The following ABCC9 variants were observed in gnomAD, a reference collection of about 807,000 sequenced individuals.
The protein encoded by ABCC9 is ATP-binding cassette sub-family C member 9.
Under a neutral mutation model 188.3 loss-of-function variants are expected in ABCC9, and 95 were observed. That is an observed-to-expected ratio of 0.50 (90% CI 0.43 to 0.60). The LOEUF is 0.60. ABCC9 is among the 20% of genes least tolerant of loss of function. The probability of loss-of-function intolerance (pLI) is 0.00; values close to 1 mark genes in which losing one functional copy is unlikely to be tolerated. For missense variants in ABCC9, 1,102 were observed against 1,876.3 expected, an observed-to-expected ratio of 0.59 and a Z score of 7.62; for synonymous variants, 659 against 652.7, an observed-to-expected ratio of 1.01 and a Z score of -0.15.
chr12:21,869,684 G>A (rs1464785520), intron 18 of ABCC9: 3 of 152,072 alleles, frequency 2.0e-5, no homozygotes. Flanking sequence ...TTACTATATT[G>A]CCTTGTTTTA....
rs779493958 is a variant in ABCC9, at chr12:21,848,339, C to A, written c.2770-93G>T. On this transcript the variant is annotated intron_variant, in intron 24 of 39. Transcript: ENST00000261200. ...CTCACACGTGTAAATGGTTAGTTAC[C>A]TTTACCAATCTCAAGCGCTCTGTGC... is the stretch of plus-strand genomic sequence containing the variant. 5 of 1,094,646 alleles carry A rather than the reference C, an allele frequency of 4.6e-6. No individual in the cohort carries two copies. In the African/African-American group the frequency reaches 7.7e-5, roughly 17 times the overall value. The allele number at this position is 1,094,646 out of a possible 1,614,324, so 67.8% of individuals were successfully genotyped here.
At chr12:21,885,292 A>T (rs1162726401) in intron 15 of ABCC9, among the ~76,000 whole-genome samples, 1 of 152,212 alleles carries the variant, frequency 6.6e-6, no homozygotes, top group Non-Finnish European at 1.5e-5. Context: ...GGTTTGGCCC[A>T]TCAGCAGTGA....
intron 7 of ABCC9, 68 bp downstream of exon 7, chr12:21,915,600 C>T (rs1948569777): frequency 1.3e-6 from 2 of 1,571,630 alleles, no homozygotes; most frequent in Non-Finnish European, 1.7e-6. Flanking sequence ...GCAAGCTCTG[C>T]CTCCCAGGTT....
At chr12:21,847,998 G>A in intron 25 of ABCC9, 152 bp downstream of exon 25, 1 of 659,836 alleles carries the variant, frequency 1.5e-6, no homozygotes. Flanking sequence ...ACCTTTCCTT[G>A]ACTCCTATTG....
At chr12:21,841,582 C>G (rs558767177) in intron 29 of ABCC9, among the ~76,000 whole-genome samples, 1 of 152,074 alleles carries the variant, frequency 6.6e-6, no homozygotes, top group African/African-American at 2.4e-5. Context: ...TGGTCTCGAA[C>G]TCCTGACCTC....
At chr12:21,939,635 C>A (rs1949619675) in intron 2 of ABCC9, among the ~76,000 whole-genome samples, 1 of 152,070 alleles carries the variant, frequency 6.6e-6, no homozygotes, top group South Asian at 2.1e-4. Flanking sequence ...GAGGGAGGCC[C>A]AAGCATCAAG....
At chr12:21,894,873 C>T (rs949659763) in intron 13 of ABCC9, among the ~76,000 whole-genome samples, 1 of 152,188 alleles carries the variant, frequency 6.6e-6, no homozygotes, top group African/African-American at 2.4e-5. Context: ...GATCTAGCTC[C>T]ATCTTGTTGT....
chr12:21,836,716 G>A (rs1450621113), intron 30 of ABCC9, among the ~76,000 whole-genome samples: 1 of 151,884 alleles, frequency 6.6e-6, no homozygotes, highest in East Asian at 1.9e-4. Context: ...TATTTATTGA[G>A]CACTTACTTA....
rs1030398826 is a variant in ABCC9, at chr12:21,838,152, G to A, written c.3492C>T (p.Asp1164=). 19 of 1,613,872 alleles carry A rather than the reference G, an allele frequency of 1.2e-5. No homozygotes were observed. Among genetic ancestry groups the A allele is most frequent in the South Asian group, 8.8e-5 (8 of 91,084 alleles). ...RVASKDLQEL[D]DSTQLPLLCH... Reference sequence around the variant, plus strand: ...AGAGCAGAGGGAGCTGGGTACTATCGTCAAGTTCCTGGAGGTCCCTAGTAG... The same window carrying A: ...AGAGCAGAGGGAGCTGGGTACTATCATCAAGTTCCTGGAGGTCCCTAGTAG... The change falls in exon 30 of 40, where the codon GAC becomes GAT. Residue 1164 remains aspartate, a synonymous_variant. Transcript: ENST00000261200.
At chr12:21,801,587 A>C (rs1346697573) in intron 39 of ABCC9, among the ~76,000 whole-genome samples, 1 of 152,218 alleles carries the variant, frequency 6.6e-6, no homozygotes, top group East Asian at 1.9e-4. Flanking sequence ...GCTATAACAC[A>C]ATTCGAAGAA....
At position 21,912,869 on chromosome 12, in the gene ABCC9, T is replaced by TA. The variant is rs1233909215; in HGVS notation, c.1011+2dup. ...TTTCCATTGAAAATCACCAGGAACTTACTCCAGTTGTGTTATTTGTCCCAT... is the reference window on the plus strand; with the variant it reads ...TTTCCATTGAAAATCACCAGGAACTTAACTCCAGTTGTGTTATTTGTCCCAT... On this transcript the variant is annotated splice_region_variant and intron_variant, in intron 8 of 39. Coordinates refer to ENST00000261200, the MANE Select transcript of ABCC9 (RefSeq NM_020297.4). 3 of 1,612,870 alleles carry TA rather than the reference T, an allele frequency of 1.9e-6. No individual in the cohort carries two copies. The highest frequency in any genetic ancestry group is 1.7e-6 in the Non-Finnish European group (2 of 1,179,062).
At position 21,798,438 on chromosome 12, in the gene ABCC9, T is replaced by C. The variant is rs1941263687; in HGVS notation, c.*2606A>G. On this transcript the variant is annotated 3_prime_UTR_variant, in exon 40 of 40. Transcript: ENST00000261200. The stretch of plus-strand genomic sequence containing the variant: ...GTGATGATGAGCATTTTTTCATGTG[T>C]TTTTTGGCTGCATAAATGTCTTCTT... 6.6e-6 allele frequency: 1 copy of C among 150,962 alleles called. No individual in the cohort carries two copies. The highest frequency in any genetic ancestry group is 2.1e-4 in the South Asian group (1 of 4,720). 9.4% of individuals were successfully genotyped at this position (150,962 alleles called of 1,614,324 possible). A position where few individuals can be genotyped will look rare whatever the true frequency, so the allele number is the denominator to read the frequency against.
chr12:21,845,935 T>C (rs1446246764), intron 25 of ABCC9, 103 bp from the exon 26 acceptor site: 1 of 923,106 alleles, frequency 1.1e-6, no homozygotes, highest in Non-Finnish European at 1.7e-6. Context: ...TTTATAAAAA[T>C]GTAAGCATTA....
chr12:21,804,339 G>A (rs755581298), intron 39 of ABCC9, among the ~76,000 whole-genome samples: 5 of 152,222 alleles, frequency 3.3e-5, no homozygotes, highest in South Asian at 4.1e-4. Context: ...ATCCAACAAC[G>A]CCATGCTTCA....
Position 21,906,170 on chromosome 12 carries a change from T to C in ABCC9, c.1574A>G (p.Glu525Gly). The C allele has an allele frequency of 6.2e-7, 1 of 1,613,278 alleles. No individual in the cohort carries two copies. Among genetic ancestry groups the C allele is most frequent in the Non-Finnish European group, 8.5e-7 (1 of 1,179,396 alleles). Residue 525 changes from glutamate (E) to glycine (G), a missense_variant, in exon 12 of 40, where the codon GAA becomes GGA. By Grantham distance (98) the Glu-to-Gly change is moderately conservative. Around this residue, in one of 12 missense-constraint regions of ABCC9, gnomAD observed 258 missense variants for 325.6 expected, o/e 0.79. Coordinates refer to ENST00000261200, the MANE Select transcript of ABCC9 (RefSeq NM_020297.4). Reference sequence around the variant, plus strand: ...TGCAAAGGTTTTGAGACTAGATAGTTCTTTCATTCTTGTTTCCTCCACACT... The same window carrying C: ...TGCAAAGGTTTTGAGACTAGATAGTCCTTTCATTCTTGTTTCCTCCACACT... ...CKSVEETRMK[E>G]LSSLKTFALY...
chr12:21,854,771 A>G (rs1489370394), intron 22 of ABCC9, among the ~76,000 whole-genome samples: 1 of 152,210 alleles, frequency 6.6e-6, no homozygotes, highest in Non-Finnish European at 1.5e-5. Context: ...ACTGGTAGAG[A>G]ATTCTACCAC....
chr12:21,921,638 A>G (rs1037212756), intron 5 of ABCC9, among the ~76,000 whole-genome samples: 1 of 151,998 alleles, frequency 6.6e-6, no homozygotes, highest in Admixed American at 6.6e-5. Context: ...TGCTCAAGAA[A>G]TCTTTGCCCA....
At chr12:21,879,256 T>A (rs1946514473) in intron 16 of ABCC9, among the ~76,000 whole-genome samples, 2 of 152,088 alleles carry the variant, frequency 1.3e-5, no homozygotes, top group South Asian at 4.1e-4. Context: ...TCTATAATGA[T>A]GGGGGTAGGA....
chr12:21,868,736 T>A (rs927554676), intron 18 of ABCC9, among the ~76,000 whole-genome samples: 1 of 152,200 alleles, frequency 6.6e-6, no homozygotes, highest in Non-Finnish European at 1.5e-5. Flanking sequence ...ATTTAGTTTA[T>A]TGTTTTGGTT....
Sources: gnomAD v4.1 joint callset for allele counts (sites outside exome capture counted in the v4.1 genomes callset) on GRCh38, gnomAD v4.1.1 for gene constraint, gnomAD v4.1.1 regional missense constraint, MANE v1.5 for transcripts, NCBI Gene and HGNC (gene_info 2026-07-23, HGNC 2026-07-21) for gene names.